The following CADPS2 variants were observed in gnomAD, a reference collection of about 807,000 sequenced individuals.
CADPS2 encodes the protein calcium-dependent secretion activator 2.
In CADPS2, 93 loss-of-function variants were observed where a neutral mutation model predicts 172.5. That is an observed-to-expected ratio of 0.54 (90% CI 0.46 to 0.64). The LOEUF (loss-of-function observed/expected upper bound fraction) is 0.64. CADPS2 is among the 30% of genes least tolerant of loss of function. CADPS2 has a pLI of 0.00. For missense variants in CADPS2, 1,420 were observed against 1,565.9 expected (o/e 0.91, Z 1.57); for synonymous variants, 546 against 555.2 (o/e 0.98, Z 0.23).
chr7:122,515,819 A>T (rs1386113577), intron 8 of CADPS2, among the ~76,000 whole-genome samples: 5 of 142,558 alleles, frequency 3.5e-5, no homozygotes, highest in African/African-American at 8.1e-5. Context: ...AAAGTATAAT[A>T]AAAAAATTAA....
At chr7:122,803,983 A>AAC (rs1798232432) in intron 1 of CADPS2, among the ~76,000 whole-genome samples, 1 of 146,120 alleles carries the variant, frequency 6.8e-6, no homozygotes, top group Non-Finnish European at 1.5e-5. Flanking sequence ...GGAAAAAAAA[A>AAC]AAAAAAAAAA....
chr7:122,869,066 C>T (rs1819052335), intron 1 of CADPS2, among the ~76,000 whole-genome samples: 1 of 151,778 alleles, frequency 6.6e-6, no homozygotes, highest in Non-Finnish European at 1.5e-5. Flanking sequence ...TTATGGAACA[C>T]CATCAAGTGA....
chr7:122,582,824 C>G (rs940900550), intron 6 of CADPS2, among the ~76,000 whole-genome samples: 5 of 151,982 alleles, frequency 3.3e-5, no homozygotes, highest in Non-Finnish European at 5.9e-5. Context: ...CATATAGAAA[C>G]AGTCTAATAG....
chr7:122,736,343 ACT>A (rs1258464968), intron 2 of CADPS2, among the ~76,000 whole-genome samples: 1 of 152,116 alleles, frequency 6.6e-6, no homozygotes, highest in Non-Finnish European at 1.5e-5. Context: ...CCCTCAAATG[ACT>A]CTGAATTGCT....
intron 20 of CADPS2, among the ~76,000 whole-genome samples, chr7:122,402,687 AG>A (rs1411968894): frequency 7.9e-5 from 12 of 152,212 alleles, no homozygotes; most frequent in Admixed American, 4.6e-4. Flanking sequence ...ATTTTGGGAA[AG>A]CAAACATAAA....
In CADPS2 at chr7:122,360,914, T is replaced by A; in HGVS notation, c.3471+16A>T. 4 of 1,611,910 alleles carry A rather than the reference T, an allele frequency of 2.5e-6. No homozygotes were observed. Among genetic ancestry groups the A allele is most frequent in the Middle Eastern group, 1.7e-4 (1 of 6,050 alleles). On this transcript the variant is annotated intron_variant, in intron 26 of 29. Coordinates refer to ENST00000449022, the MANE Select transcript of CADPS2 (RefSeq NM_017954.11). ...CAGTTAAAAGACCACAGAAGAGAACTCATTCAAATACTTACAGTGAATGAC... is the reference window on the plus strand; with the variant it reads ...CAGTTAAAAGACCACAGAAGAGAACACATTCAAATACTTACAGTGAATGAC...
At chr7:122,645,679 A>ATATATATATATC (rs1554688673) in intron 3 of CADPS2, among the ~76,000 whole-genome samples, 1 of 65,406 alleles carries the variant, frequency 1.5e-5, no homozygotes, top group Non-Finnish European at 3.1e-5. Context: ...ATATATATAT[A>ATATATATATATC]TATCTTGGGA....
chr7:122,544,546 C>T (rs910621337), intron 8 of CADPS2, among the ~76,000 whole-genome samples: 1 of 152,160 alleles, frequency 6.6e-6, no homozygotes, highest in African/African-American at 2.4e-5. Flanking sequence ...TTCACGCTGG[C>T]TAGCTGGCTT....
intron 8 of CADPS2, among the ~76,000 whole-genome samples, chr7:122,539,761 G>GTCTGTTTCTCTC: frequency 1.9e-5 from 1 of 52,742 alleles, no homozygotes; most frequent in Non-Finnish European, 3.7e-5. Context: ...GTCTCTCTCT[G>GTCTGTTTCTCTC]TCTCTGTCTC....
chr7:122,622,202 T>C (rs1169393693), intron 4 of CADPS2, among the ~76,000 whole-genome samples: 1 of 152,168 alleles, frequency 6.6e-6, no homozygotes, highest in Non-Finnish European at 1.5e-5. Flanking sequence ...TTTTCATAAA[T>C]AGGCATTAAA....
At chr7:122,556,044 C>A (rs73717680) in intron 7 of CADPS2, among the ~76,000 whole-genome samples, 1 of 151,998 alleles carries the variant, frequency 6.6e-6, no homozygotes, top group Non-Finnish European at 1.5e-5. Flanking sequence ...TCCTATAAAG[C>A]CATAGCTGTG....
chr7:122,376,085 C>G (rs1319150457), intron 25 of CADPS2, among the ~76,000 whole-genome samples: 1 of 151,972 alleles, frequency 6.6e-6, no homozygotes, highest in Non-Finnish European at 1.5e-5. Flanking sequence ...CAAAAGATAA[C>G]AGGTATTAGT....
At chr7:122,612,236 T>A (rs761532506) in intron 6 of CADPS2, among the ~76,000 whole-genome samples, 3 of 151,940 alleles carry the variant, frequency 2.0e-5, no homozygotes, top group Non-Finnish European at 4.4e-5. Flanking sequence ...AAATCTAAAT[T>A]AGACAGGAAG....
At chr7:122,669,741 G>A (rs1564016783) in intron 2 of CADPS2, among the ~76,000 whole-genome samples, 1 of 151,980 alleles carries the variant, frequency 6.6e-6, no homozygotes, top group Non-Finnish European at 1.5e-5. Flanking sequence ...AGGCCATCAC[G>A]AAGCCTGAAC....
chr7:122,369,185 G>A (rs1490609034), intron 25 of CADPS2, among the ~76,000 whole-genome samples: 97 of 123,628 alleles, frequency 7.8e-4, no homozygotes, highest in Admixed American at 2.3e-3. Context: ...AGGCTGGAGT[G>A]CAGTGGCGCA....
At chr7:122,646,592 C>T (rs538630829) in intron 3 of CADPS2, among the ~76,000 whole-genome samples, 75 of 152,096 alleles carry the variant, frequency 4.9e-4, no homozygotes, top group Non-Finnish European at 8.8e-4. Context: ...GAACTAGGAA[C>T]AGCGAGTAAT....
chr7:122,463,124 G>A (rs962297150), intron 14 of CADPS2, among the ~76,000 whole-genome samples: 2 of 152,022 alleles, frequency 1.3e-5, no homozygotes, highest in African/African-American at 2.4e-5. Context: ...CACAAATCCT[G>A]TTTGCACTGC....
intron 1 of CADPS2, among the ~76,000 whole-genome samples, chr7:122,795,482 T>C (rs1229457969): frequency 6.6e-6 from 1 of 151,790 alleles, no homozygotes; most frequent in Non-Finnish European, 1.5e-5. Context: ...AAAAGCAAAC[T>C]GAATCCGGCA....
chr7:122,362,769 AGCTT>A (rs1437761934), intron 25 of CADPS2, among the ~76,000 whole-genome samples: 1 of 152,188 alleles, frequency 6.6e-6, no homozygotes, highest in Non-Finnish European at 1.5e-5. Flanking sequence ...CTAGGGACAC[AGCTT>A]ATTGGTCTCT....
Sources: gnomAD v4.1 joint callset for allele counts (sites outside exome capture counted in the v4.1 genomes callset) on GRCh38, gnomAD v4.1.1 for gene constraint, MANE v1.5 for transcripts, NCBI Gene and HGNC (gene_info 2026-07-23, HGNC 2026-07-21) for gene names.